The following RALGAPA1 variants were observed in gnomAD, a reference collection of about 807,000 sequenced individuals.
RALGAPA1 encodes ral GTPase-activating protein subunit alpha-1.
Under a neutral mutation model 269.6 loss-of-function variants are expected in RALGAPA1, and 52 were observed. That is an observed-to-expected ratio of 0.19 (90% CI 0.15 to 0.24). The LOEUF (loss-of-function observed/expected upper bound fraction) is 0.24. RALGAPA1 is among the 10% of genes least tolerant of loss of function. The probability of loss-of-function intolerance (pLI) is 1.00; values close to 1 mark genes in which losing one functional copy is unlikely to be tolerated. For missense variants in RALGAPA1, 1,917 were observed against 3,013.9 expected (o/e 0.64, Z 8.52); for synonymous variants, 817 against 1,008.3 (o/e 0.81, Z 3.60).
chr14:35,624,649 T>C lies in RALGAPA1; in HGVS notation c.6929+712A>G, dbSNP rs768593165. 4.0e-5 allele frequency among the ~76,000 whole-genome samples: 6 copies of C among 151,702 alleles called. No homozygotes were observed. In the South Asian group the frequency reaches 6.2e-4, roughly 16 times the overall value. ...AGGTGAGCAAGAAACGATGGCTCAA[T>C]ACAGAAATTTTAAAGAAGAGAGGAA... On this transcript the variant is annotated intron_variant, in intron 35 of 41. Coordinates refer to ENST00000680220, the MANE Select transcript of RALGAPA1 (RefSeq NM_001346249.2).
intron 33 of RALGAPA1, among the ~76,000 whole-genome samples, chr14:35,628,342 T>C (rs544604477): frequency 2.6e-5 from 4 of 152,148 alleles, no homozygotes; most frequent in Admixed American, 2.0e-4. Context: ...TTGAGACCAG[T>C]CTGGGCAACA....
chr14:35,555,518 C>T (rs1227780334), intron 39 of RALGAPA1, among the ~76,000 whole-genome samples: 1 of 151,984 alleles, frequency 6.6e-6, no homozygotes, highest in Non-Finnish European at 1.5e-5. Context: ...GTAATAATAC[C>T]CTTGAAAAAC....
chr14:35,650,065 C>T (rs565250320), intron 31 of RALGAPA1, among the ~76,000 whole-genome samples: 55 of 152,150 alleles, frequency 3.6e-4, no homozygotes, highest in African/African-American at 1.1e-3. Flanking sequence ...GACACTAAAG[C>T]GAAGGATTCT....
chr14:35,610,551 G>A (rs2059868993), intron 35 of RALGAPA1, among the ~76,000 whole-genome samples: 1 of 151,948 alleles, frequency 6.6e-6, no homozygotes, highest in Non-Finnish European at 1.5e-5. Context: ...CAAAGTGCTG[G>A]GATTACAGAT....
chr14:35,766,236 A>T, intron 4 of RALGAPA1: 1 of 806,210 alleles, frequency 1.2e-6, no homozygotes, highest in Non-Finnish European at 2.2e-6. Flanking sequence ...AGGAATCTTA[A>T]CCAGATGTGT....
intron 7 of RALGAPA1, among the ~76,000 whole-genome samples, chr14:35,752,866 A>G (rs2072849656): frequency 6.6e-6 from 1 of 152,192 alleles, no homozygotes; most frequent in Non-Finnish European, 1.5e-5. Context: ...TATACTAAGA[A>G]TAATATGAGC....
intron 1 of RALGAPA1, among the ~76,000 whole-genome samples, chr14:35,802,430 C>T (rs533408130): frequency 8.5e-5 from 13 of 152,194 alleles, no homozygotes; most frequent in African/African-American, 3.1e-4. Context: ...ATAAAGGTAA[C>T]ATTTACAAAA....
intron 1 of RALGAPA1, among the ~76,000 whole-genome samples, chr14:35,797,702 G>A (rs910234610): frequency 4.6e-5 from 7 of 151,638 alleles, no homozygotes; most frequent in Middle Eastern, 3.4e-3. Flanking sequence ...AAAATTAGCC[G>A]GGAGTGGTGG....
intron 35 of RALGAPA1, among the ~76,000 whole-genome samples, chr14:35,617,654 A>AGGGGGGGGGGGGGGGGGGGGGG (rs1396185546): frequency 7.9e-5 from 1 of 12,702 alleles, no homozygotes. Flanking sequence ...GGGGGGGGGA[A>AGGGGGGGGGGGGGGGGGGGGGG]GGGGGTGAAT....
chr14:35,800,437 G>C (rs879789598), intron 1 of RALGAPA1, among the ~76,000 whole-genome samples: 1 of 151,906 alleles, frequency 6.6e-6, no homozygotes, highest in Non-Finnish European at 1.5e-5. Flanking sequence ...CAACCAAAAG[G>C]TATCTGAATA....
At chr14:35,599,393 T>C (rs970688956) in intron 36 of RALGAPA1, among the ~76,000 whole-genome samples, 8 of 152,242 alleles carry the variant, frequency 5.3e-5, no homozygotes, top group Non-Finnish European at 1.2e-4. Context: ...AAGTTTCTCT[T>C]CATTTGAGAA....
chr14:35,636,420 T>C (rs1220292814), intron 31 of RALGAPA1, among the ~76,000 whole-genome samples: 1 of 152,098 alleles, frequency 6.6e-6, no homozygotes, highest in Non-Finnish European at 1.5e-5. Context: ...TTCCAAAAAA[T>C]AAATAAAATA....
At chr14:35,671,620 G>T in intron 25 of RALGAPA1, 103 bp from the exon 26 acceptor site, 1 of 553,120 alleles carries the variant, frequency 1.8e-6, no homozygotes, top group Non-Finnish European at 3.2e-6. Context: ...TAATAAAAAA[G>T]GTAATTACTG....
At chr14:35,640,954 T>C (rs2061989136) in intron 31 of RALGAPA1, among the ~76,000 whole-genome samples, 1 of 152,144 alleles carries the variant, frequency 6.6e-6, no homozygotes, top group Admixed American at 6.5e-5. Flanking sequence ...TGATACATTT[T>C]TGTCAACAAA....
chr14:35,585,859 G>A (rs2058247007), intron 37 of RALGAPA1, among the ~76,000 whole-genome samples: 1 of 152,160 alleles, frequency 6.6e-6, no homozygotes, highest in South Asian at 2.1e-4. Flanking sequence ...CTGTAGCCTT[G>A]TAGTATAGTT....
intron 37 of RALGAPA1, among the ~76,000 whole-genome samples, chr14:35,579,398 A>G (rs2057796716): frequency 6.6e-6 from 1 of 152,118 alleles, no homozygotes; most frequent in Non-Finnish European, 1.5e-5. Context: ...TGGGAGGCTG[A>G]GGCGGGCAGA....
At chr14:35,769,075 T>C (rs185830311) in intron 4 of RALGAPA1, among the ~76,000 whole-genome samples, 2 of 51,752 alleles carry the variant, frequency 3.9e-5, no homozygotes, top group African/African-American at 1.3e-4. Flanking sequence ...TACACACACA[T>C]AAAATATCAA....
chr14:35,681,540 G>C (rs955178028), intron 21 of RALGAPA1, among the ~76,000 whole-genome samples: 1 of 152,168 alleles, frequency 6.6e-6, no homozygotes, highest in South Asian at 2.1e-4. Flanking sequence ...AGAGAATTAA[G>C]AAATAAAAAA....
chr14:35,625,340 G>GA, intron 35 of RALGAPA1, 21 bp downstream of exon 35: 1 of 1,563,418 alleles, frequency 6.4e-7, no homozygotes, highest in Non-Finnish European at 8.8e-7. Context: ...CTAGTTATGT[G>GA]AAGATTTTCC....
Sources: gnomAD v4.1 joint callset for allele counts (sites outside exome capture counted in the v4.1 genomes callset) on GRCh38, gnomAD v4.1.1 for gene constraint, MANE v1.5 for transcripts, NCBI Gene and HGNC (gene_info 2026-07-23, HGNC 2026-07-21) for gene names.